PRMT8: variants seen among roughly 807,000 people sequenced by gnomAD.
PRMT8 encodes protein arginine methyltransferase 8.
In PRMT8, 7 loss-of-function variants were observed where a neutral mutation model predicts 47.1. The observed-to-expected ratio is 0.15, with a 90% CI of 0.08 to 0.28. The LOEUF (loss-of-function observed/expected upper bound fraction) is 0.28. Among genes scored for constraint, PRMT8 ranks in the 10% least tolerant of loss-of-function variants. PRMT8 has a pLI of 1.00. For missense variants in PRMT8, 237 were observed against 505.4 expected, an observed-to-expected ratio of 0.47 and a Z score of 5.09; for synonymous variants, 188 against 186.5, an observed-to-expected ratio of 1.01 and a Z score of -0.07.
At chr12:3,587,154 C>CT (rs35301633) in intron 8 of PRMT8, among the ~76,000 whole-genome samples, 1 of 149,362 alleles carries the variant, frequency 6.7e-6, no homozygotes, top group African/African-American at 2.4e-5. Context: ...TCATGGTTCA[C>CT]TTTTTTTGCT....
intron 1 of PRMT8, among the ~76,000 whole-genome samples, chr12:3,449,655 G>A (rs961973183): frequency 6.6e-6 from 1 of 152,084 alleles, no homozygotes; most frequent in African/African-American, 2.4e-5. Flanking sequence ...TGGATAGATT[G>A]CAAACTTTTT....
At chr12:3,522,247 T>C (rs920104631) in intron 1 of PRMT8, among the ~76,000 whole-genome samples, 1 of 152,166 alleles carries the variant, frequency 6.6e-6, no homozygotes, top group South Asian at 2.1e-4. Flanking sequence ...AAAAATTGTA[T>C]ACTGGCCATA....
At chr12:3,513,093 T>G (rs1372346578) in intron 1 of PRMT8, among the ~76,000 whole-genome samples, 1 of 152,172 alleles carries the variant, frequency 6.6e-6, no homozygotes, top group Admixed American at 6.5e-5. Flanking sequence ...TCTCAGTTGC[T>G]CTGCGTCTAC....
chr12:3,582,273 G>A (rs993430613), intron 7 of PRMT8, among the ~76,000 whole-genome samples: 5 of 152,222 alleles, frequency 3.3e-5, no homozygotes, highest in African/African-American at 4.8e-5. Context: ...CTCCCCATGC[G>A]AGATTGATTT....
chr12:3,517,183 GC>G (rs931411750), intron 1 of PRMT8, among the ~76,000 whole-genome samples: 3 of 152,198 alleles, frequency 2.0e-5, no homozygotes, highest in African/African-American at 7.2e-5. Flanking sequence ...TTCTGGGTGT[GC>G]CCGCTCATCA....
At chr12:3,525,170 C>A (rs1206064541) in intron 1 of PRMT8, among the ~76,000 whole-genome samples, 1 of 152,078 alleles carries the variant, frequency 6.6e-6, no homozygotes, top group South Asian at 2.1e-4. Context: ...TGCAGTGAGC[C>A]AAGACCATGC....
In PRMT8 at chr12:3,540,795, AAGTGTCCCG is replaced by A; in HGVS notation, c.261+9_261+17del. Reference sequence around the variant, plus strand: ...TGCCCACTTTGGGATCCACGAGGTAAAGTGTCCCGAGTGGGTGGCTAATGGGGCGAGGCT... The same window carrying A: ...TGCCCACTTTGGGATCCACGAGGTAAAGTGGGTGGCTAATGGGGCGAGGCT... On this transcript the variant is annotated splice_donor_5th_base_variant and intron_variant, in intron 2 of 9. Coordinates refer to ENST00000382622, the MANE Select transcript of PRMT8 (RefSeq NM_019854.5). The A allele has an allele frequency of 6.2e-7, 1 of 1,612,874 alleles. No homozygotes were observed.
At chr12:3,541,005 G>A (rs1866218721) in intron 2 of PRMT8, among the ~76,000 whole-genome samples, 1 of 152,180 alleles carries the variant, frequency 6.6e-6, no homozygotes, top group South Asian at 2.1e-4. Context: ...GTGTGTGTCT[G>A]TATACTCCAC....
chr12:3,539,986 G>A (rs1416808952), intron 1 of PRMT8, among the ~76,000 whole-genome samples: 5 of 152,202 alleles, frequency 3.3e-5, no homozygotes, highest in Non-Finnish European at 5.9e-5. Context: ...ATGGGTTCAC[G>A]TTCCTGAGGA....
At chr12:3,584,385 G>C (rs932370568) in intron 8 of PRMT8, among the ~76,000 whole-genome samples, 1 of 152,146 alleles carries the variant, frequency 6.6e-6, no homozygotes, top group Non-Finnish European at 1.5e-5. Context: ...TGGAGGGGGG[G>C]ACAATTCAGG....
At chr12:3,468,191 T>C (rs974592780) in intron 1 of PRMT8, among the ~76,000 whole-genome samples, 39 of 152,320 alleles carry the variant, frequency 2.6e-4, no homozygotes, top group African/African-American at 9.4e-4. Flanking sequence ...GGACCTTCTC[T>C]GGGCTGGATA....
At position 3,593,204 on chromosome 12, in the gene PRMT8, A is replaced by G. The variant is rs757754960; in HGVS notation, c.*22A>G. On this transcript the variant is annotated 3_prime_UTR_variant, in exon 10 of 10. Coordinates refer to ENST00000382622, the MANE Select transcript of PRMT8 (RefSeq NM_019854.5). This position sits in a 1 kb window ranked among gnomAD's most constrained non-coding sequence, Gnocchi z 4.8. ...TTAGCACACGTGGGAAGCTGCAGAG[A>G]GCAACGAGAAAAGGAACTCTCACCT... 5 of 1,598,888 alleles carry G rather than the reference A, an allele frequency of 3.1e-6. No individual in the cohort carries two copies. Among genetic ancestry groups the G allele is most frequent in the Non-Finnish European group, 4.3e-6 (5 of 1,167,612 alleles).
At chr12:3,447,891 A>AT (rs1864874776) in intron 1 of PRMT8, among the ~76,000 whole-genome samples, 1 of 152,098 alleles carries the variant, frequency 6.6e-6, no homozygotes, top group African/African-American at 2.4e-5. Context: ...CATGCTTCTG[A>AT]TTTTTATAGG....
intron 1 of PRMT8, among the ~76,000 whole-genome samples, chr12:3,459,092 A>C (rs540163497): frequency 7.9e-5 from 12 of 152,200 alleles, no homozygotes; most frequent in Non-Finnish European, 8.8e-5. Context: ...CCCATTGTTC[A>C]TCCAGATTCC....
At chr12:3,472,191 C>T (rs1215390695) in intron 1 of PRMT8, among the ~76,000 whole-genome samples, 1 of 152,154 alleles carries the variant, frequency 6.6e-6, no homozygotes, top group East Asian at 1.9e-4. Context: ...GTGTGGTGTT[C>T]CTTCTGGCTA....
rs980106536 is a variant in PRMT8, at chr12:3,496,355, G to A, written c.75+4655G>A. 4.0e-5 allele frequency among the ~76,000 whole-genome samples: 6 copies of A among 149,726 alleles called. No individual in the cohort carries two copies. The East Asian group carries it at 1.2e-3, about 30-fold the overall frequency. On this transcript the variant is annotated intron_variant, in intron 1 of 9. Coordinates refer to ENST00000382622, the MANE Select transcript of PRMT8 (RefSeq NM_019854.5). ...AGTGAGTTATGGGGATAACTGAGCT[G>A]ACTTCTTGCATGGTGTATCTTGGTG...
chr12:3,444,321 A>T (rs375756906), intron 1 of PRMT8, among the ~76,000 whole-genome samples: 1 of 152,092 alleles, frequency 6.6e-6, no homozygotes, highest in Non-Finnish European at 1.5e-5. Context: ...CCTTGCTTTT[A>T]GTACTGTTTT....
At chr12:3,420,509 G>A (rs1327722215) in intron 1 of PRMT8, among the ~76,000 whole-genome samples, 1 of 152,150 alleles carries the variant, frequency 6.6e-6, no homozygotes, top group Non-Finnish European at 1.5e-5. Flanking sequence ...AAAGCCAGAC[G>A]CTGTGACAGC....
chr12:3,396,832 C>T (rs1022096093), intron 1 of PRMT8, among the ~76,000 whole-genome samples: 68 of 151,526 alleles, frequency 4.5e-4, no homozygotes, highest in African/African-American at 1.4e-3. Flanking sequence ...CCATTCTCCC[C>T]GTCACTTTCA....
Sources: gnomAD v4.1 joint callset for allele counts (sites outside exome capture counted in the v4.1 genomes callset) on GRCh38, gnomAD v4.1.1 for gene constraint, Gnocchi (gnomAD v3.1) non-coding constraint, MANE v1.5 for transcripts, NCBI Gene and HGNC (gene_info 2026-07-23, HGNC 2026-07-21) for gene names.